Variants in MOB1B observed in about 807,000 individuals in gnomAD.
MOB1B encodes the protein MOB kinase activator 1B.
Under a neutral mutation model 24.4 loss-of-function variants are expected in MOB1B, and 19 were observed. That is an observed-to-expected ratio of 0.78 (90% CI 0.54 to 1.14). The LOEUF is 1.14. Among genes scored for constraint, MOB1B ranks in the 50% most tolerant of loss-of-function variants. MOB1B has a pLI of 0.00. For synonymous variants in MOB1B, 76 were observed against 82.1 expected, an observed-to-expected ratio of 0.93 and a Z score of 0.40; for missense variants, 243 against 259.6, an observed-to-expected ratio of 0.94 and a Z score of 0.44.
intron 2 of MOB1B, among the ~76,000 whole-genome samples, chr4:70,966,536 G>T (rs1213896194): frequency 1.3e-5 from 2 of 151,896 alleles, no homozygotes; most frequent in Non-Finnish European, 2.9e-5. Context: ...CACTGTGCCC[G>T]GCTAATTTTG....
intron 1 of MOB1B, chr4:70,950,792 G>GCTA (rs1476838936): frequency 2.5e-5 from 38 of 1,528,228 alleles, no homozygotes; most frequent in Non-Finnish European, 2.5e-5. Context: ...TATGGAAGGA[G>GCTA]CTACTGATGT....
intron 1 of MOB1B, among the ~76,000 whole-genome samples, chr4:70,926,603 G>A (rs571429467): frequency 1.3e-5 from 2 of 152,264 alleles, no homozygotes; most frequent in South Asian, 2.1e-4. Context: ...TCTTACAAAT[G>A]TATGGCATTA....
intron 1 of MOB1B, among the ~76,000 whole-genome samples, chr4:70,921,730 A>G (rs1736448190): frequency 6.6e-6 from 1 of 151,898 alleles, no homozygotes; most frequent in Non-Finnish European, 1.5e-5. Flanking sequence ...GTTGATCTCG[A>G]ACTCCTGACC....
At chr4:70,936,630 G>A (rs1578368021) in intron 1 of MOB1B, among the ~76,000 whole-genome samples, 1 of 152,032 alleles carries the variant, frequency 6.6e-6, no homozygotes. Context: ...CTTCATCCAT[G>A]GGATTCCCCT....
chr4:70,956,929 C>T (rs1168940479), intron 1 of MOB1B, among the ~76,000 whole-genome samples: 1 of 152,006 alleles, frequency 6.6e-6, no homozygotes, highest in African/African-American at 2.4e-5. Context: ...ATTTCAAGAT[C>T]CTCAGTACTT....
intron 1 of MOB1B, among the ~76,000 whole-genome samples, chr4:70,936,924 T>A (rs917942653): frequency 1.1e-4 from 16 of 152,070 alleles, no homozygotes; most frequent in Admixed American, 3.3e-4. Flanking sequence ...CTTTTTTTTT[T>A]TAATTTTTTT....
At chr4:70,936,237 G>C (rs1737079566) in intron 1 of MOB1B, among the ~76,000 whole-genome samples, 1 of 151,892 alleles carries the variant, frequency 6.6e-6, no homozygotes, top group South Asian at 2.1e-4. Context: ...CAAGCAGTCC[G>C]CCCACCTCAG....
chr4:70,984,172 TAGA>T lies in MOB1B; in HGVS notation c.*2116_*2118del, dbSNP rs767974738. On this transcript the variant is annotated 3_prime_UTR_variant, in exon 6 of 6. Transcript: ENST00000309395. ...GTAAGACCTACTTTCCCACTATATGTAGATAGTTTGTTTTCACTGTGCCAGAAT... is the reference window on the plus strand; with the variant it reads ...GTAAGACCTACTTTCCCACTATATGTTAGTTTGTTTTCACTGTGCCAGAAT... 1.3e-5 allele frequency: 2 copies of T among 152,510 alleles called. No individual in the cohort carries two copies. Among genetic ancestry groups the T allele is most frequent in the African/African-American group, 2.4e-5 (1 of 41,450 alleles). The allele number at this position is 152,510 out of a possible 1,614,324, so 9.4% of individuals were successfully genotyped here.
intron 1 of MOB1B, among the ~76,000 whole-genome samples, chr4:70,950,218 C>T (rs909375064): frequency 2.0e-5 from 3 of 151,822 alleles, no homozygotes; most frequent in Non-Finnish European, 4.4e-5. Flanking sequence ...GGCAGATCTC[C>T]TGAGGTCAGG....
At chr4:70,950,855 G>A in intron 1 of MOB1B, 1 of 1,101,722 alleles carries the variant, frequency 9.1e-7, no homozygotes, top group Non-Finnish European at 1.3e-6. Flanking sequence ...TAGTAGTGAA[G>A]TTCTTAACAT....
intron 4 of MOB1B, chr4:70,976,037 C>A (rs544447504): frequency 4.0e-4 from 105 of 260,586 alleles, no homozygotes; most frequent in African/African-American, 2.3e-3. Flanking sequence ...GTAACTGGGA[C>A]TACAGACGCG....
intron 1 of MOB1B, among the ~76,000 whole-genome samples, chr4:70,937,962 T>G (rs1737153594): frequency 6.6e-6 from 1 of 152,144 alleles, no homozygotes; most frequent in African/African-American, 2.4e-5. Context: ...TTTAATGTGG[T>G]GTTCTGTTCT....
intron 1 of MOB1B, among the ~76,000 whole-genome samples, chr4:70,955,500 T>G (rs1475924650): frequency 1.4e-5 from 2 of 146,932 alleles, no homozygotes; most frequent in South Asian, 2.2e-4. Flanking sequence ...AGACGATGTC[T>G]TGCTTTGTCA....
chr4:70,953,714 C>T (rs897373493), intron 1 of MOB1B, among the ~76,000 whole-genome samples: 2 of 152,132 alleles, frequency 1.3e-5, no homozygotes, highest in African/African-American at 4.8e-5. Context: ...GAGGCTAAAG[C>T]GGGCGGATCA....
chr4:70,953,706 G>A (rs943674222), intron 1 of MOB1B, among the ~76,000 whole-genome samples: 3 of 152,216 alleles, frequency 2.0e-5, no homozygotes, highest in Admixed American at 1.3e-4. Context: ...CACTTTGGGA[G>A]GCTAAAGCGG....
chr4:70,961,830 G>A (rs1738316249), intron 2 of MOB1B, among the ~76,000 whole-genome samples: 1 of 152,160 alleles, frequency 6.6e-6, no homozygotes, highest in Admixed American at 6.5e-5. Flanking sequence ...TCATAGAGGA[G>A]TAAAGGGAAT....
chr4:70,908,376 G>GTATTTCTGT, intron 1 of MOB1B, among the ~76,000 whole-genome samples: 1 of 150,138 alleles, frequency 6.7e-6, no homozygotes, highest in South Asian at 2.1e-4. Context: ...TGAACTAGGT[G>GTATTTCTGT]TATTTCTGTA....
chr4:70,948,191 C>G (rs1200228420), intron 1 of MOB1B, among the ~76,000 whole-genome samples: 3 of 152,174 alleles, frequency 2.0e-5, no homozygotes, highest in Non-Finnish European at 4.4e-5. Flanking sequence ...TTGAAAAGAT[C>G]ATCCTTTCCC....
At chr4:70,922,452 G>A (rs1736475194) in intron 1 of MOB1B, among the ~76,000 whole-genome samples, 1 of 152,174 alleles carries the variant, frequency 6.6e-6, no homozygotes, top group African/African-American at 2.4e-5. Context: ...TTCGAGGTGG[G>A]GAGGGGGCTT....
Sources: gnomAD v4.1 joint callset for allele counts (sites outside exome capture counted in the v4.1 genomes callset) on GRCh38, gnomAD v4.1.1 for gene constraint, MANE v1.5 for transcripts, NCBI Gene and HGNC (gene_info 2026-07-23, HGNC 2026-07-21) for gene names.